Variants in CLTRN observed in about 807,000 individuals in gnomAD.
CLTRN encodes the protein collectrin, amino acid transport regulator, also known as collectrin.
A neutral mutation model predicts 14.5 loss-of-function variants in CLTRN; 12 were observed. The ratio of observed to expected loss-of-function variants is 0.83; its 90% CI spans 0.53 to 1.34. The LOEUF (loss-of-function observed/expected upper bound fraction) is 1.34, where lower values mean the gene tolerates loss of function less well. Ranked by LOEUF, CLTRN falls within the 40% of genes most tolerant of loss-of-function variation. The pLI, the probability that CLTRN is intolerant of heterozygous loss-of-function variation, is 0.00. For missense variants in CLTRN, 154 were observed against 165.1 expected, an observed-to-expected ratio of 0.93 and a Z score of 0.37; for synonymous variants, 58 against 56.5, an observed-to-expected ratio of 1.03 and a Z score of -0.12.
chrX:15,632,233 A>G (rs113587805), intron 5 of CLTRN, among the ~76,000 whole-genome samples: 2,127 of 111,961 alleles, frequency 0.019, 46 homozygotes, highest in African/African-American at 0.064. Context: ...GTTCTAAGAT[A>G]AAGTAATGGT....
intron 4 of CLTRN, 41 bp from the exon 5 acceptor site, chrX:15,639,797 GA>G (rs756639442): frequency 2.0e-5 from 22 of 1,078,103 alleles, no homozygotes; most frequent in African/African-American, 1.5e-4. Context: ...AAATAAGACA[GA>G]AAAAAAACTA....
At chrX:15,635,059 C>A (rs1928788519) in intron 5 of CLTRN, among the ~76,000 whole-genome samples, 1 of 111,911 alleles carries the variant, frequency 8.9e-6, no homozygotes, top group Non-Finnish European at 1.9e-5. Flanking sequence ...AATAGAGAAG[C>A]AACCTCTTCT....
chrX:15,655,442 C>A (rs891519562), intron 3 of CLTRN, among the ~76,000 whole-genome samples: 1 of 111,637 alleles, frequency 9.0e-6, no homozygotes, highest in Admixed American at 9.4e-5. Flanking sequence ...ATTTCCTCCA[C>A]CTCGCCTCGG....
chrX:15,640,528 T>G (rs1435927706), intron 4 of CLTRN, among the ~76,000 whole-genome samples: 1 of 112,864 alleles, frequency 8.9e-6, no homozygotes, highest in Non-Finnish European at 1.9e-5. Context: ...AAGCCTCAAT[T>G]TGGGTTTCAC....
chrX:15,637,102 T>C (rs1167404101), intron 5 of CLTRN, among the ~76,000 whole-genome samples: 1 of 111,641 alleles, frequency 9.0e-6, no homozygotes, highest in Non-Finnish European at 1.9e-5. Flanking sequence ...TCTGGCACTC[T>C]TCTCCATAGA....
rs148068239 is a variant in CLTRN, at chrX:15,642,169, T to C, written c.318-2413A>G. Among the ~76,000 whole-genome samples, 200 of 112,304 alleles carry C rather than the reference T, an allele frequency of 1.8e-3. 1 individual carries two copies. The highest frequency in any genetic ancestry group is 6.2e-3 in the African/African-American group (191 of 30,890). ...TCTTCCTAGTTGGTTAACCCTTTGTTACTTGCTCACTCTAGGCTTGGAATG... is the reference window on the plus strand; with the variant it reads ...TCTTCCTAGTTGGTTAACCCTTTGTCACTTGCTCACTCTAGGCTTGGAATG... On this transcript the variant is annotated intron_variant, in intron 4 of 5. Transcript: ENST00000380342.
intron 2 of CLTRN, 76 bp from the exon 3 acceptor site, chrX:15,659,177 CCTCTCT>C (rs966706013): frequency 6.3e-5 from 26 of 409,820 alleles, no homozygotes; most frequent in Non-Finnish European, 9.6e-5. Context: ...AGTGGCTCTC[CCTCTCT>C]CTCTCTCTCC....
At chrX:15,649,873 T>C (rs1929175366) in intron 3 of CLTRN, among the ~76,000 whole-genome samples, 1 of 109,091 alleles carries the variant, frequency 9.2e-6, no homozygotes, top group Non-Finnish European at 1.9e-5. Flanking sequence ...AAATAGATTC[T>C]TAAACAGAAA....
chrX:15,659,630 T>C (rs1319101943), intron 2 of CLTRN, among the ~76,000 whole-genome samples: 1 of 111,600 alleles, frequency 9.0e-6, no homozygotes, highest in Non-Finnish European at 1.9e-5. Context: ...ACAGGGTCTT[T>C]GCAGTGATGA....
upstream of CLTRN, among the ~76,000 whole-genome samples, chrX:15,675,341 G>A (rs1227263087): frequency 9.0e-6 from 1 of 111,180 alleles, no homozygotes; most frequent in Admixed American, 9.4e-5. Flanking sequence ...GGCGGGCTGC[G>A]GAGTAGTGAC....
At chrX:15,660,385 C>A (rs1929477728) in intron 2 of CLTRN, among the ~76,000 whole-genome samples, 2 of 110,681 alleles carry the variant, frequency 1.8e-5, no homozygotes, top group Admixed American at 1.9e-4. Flanking sequence ...AAATGTGTGG[C>A]CTTAAGTGAT....
chrX:15,645,834 G>C (rs1021252861), intron 3 of CLTRN, among the ~76,000 whole-genome samples: 1 of 112,608 alleles, frequency 8.9e-6, no homozygotes, highest in Non-Finnish European at 1.9e-5. Context: ...AACAAAACCT[G>C]ATGGCTTTCC....
At position 15,627,951 on chromosome X, in the gene CLTRN, G is replaced by A. The variant is rs757413556; in HGVS notation, c.*20C>T. On this transcript the variant is annotated 3_prime_UTR_variant, in exon 6 of 6. Coordinates refer to ENST00000380342, the MANE Select transcript of CLTRN (RefSeq NM_020665.6). ...CAGAAACAAATGTTTAATTTCTTGA[G>A]GAAGCAGAACAACAGCCCTTCAGAG... is the stretch of plus-strand genomic sequence containing the variant. The A allele has an allele frequency of 6.0e-6, 6 of 1,002,557 alleles. No homozygotes were observed. In the South Asian group the frequency reaches 2.6e-4, roughly 43 times the overall value. 82.6% of individuals were successfully genotyped at this position (1,002,557 alleles called of 1,213,427 possible). A position where few individuals can be genotyped will look rare whatever the true frequency, so the allele number is the denominator to read the frequency against.
intron 3 of CLTRN, among the ~76,000 whole-genome samples, chrX:15,649,871 T>C (rs1929175268): frequency 9.2e-6 from 1 of 108,772 alleles, no homozygotes; most frequent in Non-Finnish European, 1.9e-5. Flanking sequence ...AGAAATAGAT[T>C]CTTAAACAGA....
chrX:15,668,005 A>G (rs776258908), upstream of CLTRN, among the ~76,000 whole-genome samples: 29 of 112,418 alleles, frequency 2.6e-4, no homozygotes, highest in African/African-American at 9.3e-4. Context: ...AGGGAAGACA[A>G]TCTCTTATTT....
chrX:15,627,994 C>A lies in CLTRN; in HGVS notation c.646G>T (p.Asp216Tyr). The A allele has an allele frequency of 9.5e-7, 1 of 1,049,914 alleles. No individual in the cohort carries two copies. Among genetic ancestry groups the A allele is most frequent in the Non-Finnish European group, 1.2e-6 (1 of 806,715 alleles). 86.5% of individuals were successfully genotyped at this position (1,049,914 alleles called of 1,213,427 possible). The change falls in exon 6 of 6, where the codon GAT becomes TAT. Residue 216 changes from aspartate to tyrosine, a missense_variant. Physicochemically the swap from Asp to Tyr is radical, Grantham distance 160. Transcript: ENST00000380342. ...CTTCAGAGAGGGGTGAGCCTCTCAT[C>A]CTCTGTCATGAAGGCATCATTAATA... ...GHINDAFMTE[D>Y]ERLTPL
intron 4 of CLTRN, 39 bp from the exon 5 acceptor site, chrX:15,639,795 C>T (rs763000316): frequency 3.6e-6 from 4 of 1,107,340 alleles, no homozygotes; most frequent in East Asian, 3.0e-5. Context: ...CAAAATAAGA[C>T]AGAAAAAAAA....
chrX:15,637,903 G>A (rs1455223463), intron 5 of CLTRN, among the ~76,000 whole-genome samples: 2 of 111,951 alleles, frequency 1.8e-5, no homozygotes, highest in Non-Finnish European at 3.8e-5. Flanking sequence ...ATTCTCCTAA[G>A]CTCAGTTTCC....
chrX:15,633,223 AT>A (rs1385052419), intron 5 of CLTRN, among the ~76,000 whole-genome samples: 1 of 112,258 alleles, frequency 8.9e-6, no homozygotes, highest in Non-Finnish European at 1.9e-5. Context: ...AATATTAAGT[AT>A]TTATTACATG....
Sources: allele counts gnomAD v4.1 joint callset (sites outside exome capture counted in the v4.1 genomes callset), GRCh38; gene constraint gnomAD v4.1.1; transcripts MANE v1.5; gene names NCBI Gene and HGNC (gene_info 2026-07-23, HGNC 2026-07-21).